The following CDH12 variants were observed in gnomAD, a reference collection of about 807,000 sequenced individuals.
The protein encoded by CDH12 is cadherin 12.
In CDH12, 41 loss-of-function variants were observed where a neutral mutation model predicts 74.1. The observed-to-expected ratio is 0.55, with a 90% CI of 0.43 to 0.72. The LOEUF is 0.72. CDH12 is among the 30% of genes least tolerant of loss of function. The pLI is 0.00. For synonymous variants in CDH12, 399 were observed against 355.0 expected (o/e 1.12, Z -1.39); for missense variants, 945 against 977.2 (o/e 0.97, Z 0.44).
chr5:22,840,002 C>T (rs1360554675), intron 1 of CDH12, among the ~76,000 whole-genome samples: 2 of 152,134 alleles, frequency 1.3e-5, no homozygotes, highest in Non-Finnish European at 2.9e-5. Context: ...CAAACCAGAA[C>T]AAACTAAGTA....
intron 8 of CDH12, among the ~76,000 whole-genome samples, chr5:21,820,895 T>A (rs1289745993): frequency 6.6e-6 from 1 of 151,958 alleles, no homozygotes; most frequent in Non-Finnish European, 1.5e-5. Flanking sequence ...GCACTACCTG[T>A]ACCACACAAA....
At chr5:22,836,253 T>C (rs960708305) in intron 1 of CDH12, among the ~76,000 whole-genome samples, 2 of 120,634 alleles carry the variant, frequency 1.7e-5, no homozygotes, top group African/African-American at 3.4e-5. Context: ...AGACAGAGTC[T>C]CGCTCTGTTG....
intron 11 of CDH12, among the ~76,000 whole-genome samples, chr5:21,772,335 G>A (rs1283430618): frequency 2.6e-5 from 4 of 152,048 alleles, no homozygotes; most frequent in Admixed American, 2.6e-4. Flanking sequence ...GATAGTGAGA[G>A]ACAGAGGCAC....
At chr5:22,809,466 A>T (rs898080444) in intron 1 of CDH12, among the ~76,000 whole-genome samples, 1 of 151,836 alleles carries the variant, frequency 6.6e-6, no homozygotes, top group African/African-American at 2.4e-5. Context: ...CCTTTCATAA[A>T]ATGCTTTTAA....
At chr5:22,643,731 A>ATT (rs1304148808) in intron 1 of CDH12, among the ~76,000 whole-genome samples, 1 of 69,298 alleles carries the variant, frequency 1.4e-5, no homozygotes, top group Non-Finnish European at 2.8e-5. Context: ...ATTTTAAGGT[A>ATT]TCTTTTTTTT....
At chr5:22,227,833 C>G (rs1274389105) in intron 3 of CDH12, among the ~76,000 whole-genome samples, 1 of 152,172 alleles carries the variant, frequency 6.6e-6, no homozygotes, top group East Asian at 1.9e-4. Flanking sequence ...CATTTGGAAA[C>G]AGAGTAATTC....
chr5:21,893,865 T>C (rs1306891584), intron 6 of CDH12, among the ~76,000 whole-genome samples: 1 of 152,220 alleles, frequency 6.6e-6, no homozygotes, highest in African/African-American at 2.4e-5. Context: ...TGAGATTTTT[T>C]TTCTGTCATT....
intron 6 of CDH12, among the ~76,000 whole-genome samples, chr5:21,868,909 G>A (rs1292746043): frequency 6.6e-6 from 1 of 152,068 alleles, no homozygotes; most frequent in Admixed American, 6.5e-5. Flanking sequence ...GGGCCAGGGT[G>A]GATTATTGGC....
At chr5:22,375,625 G>A (rs1741487494) in intron 3 of CDH12, among the ~76,000 whole-genome samples, 1 of 152,006 alleles carries the variant, frequency 6.6e-6, no homozygotes, top group Admixed American at 6.6e-5. Flanking sequence ...ATTCAAAAGT[G>A]GGCAAAGAGC....
At chr5:22,548,181 A>G (rs1184189049) in intron 1 of CDH12, among the ~76,000 whole-genome samples, 1 of 152,202 alleles carries the variant, frequency 6.6e-6, no homozygotes. Context: ...CTTCAGATAC[A>G]TACAAAGTGG....
At chr5:22,344,720 A>G (rs982910739) in intron 3 of CDH12, among the ~76,000 whole-genome samples, 2 of 152,206 alleles carry the variant, frequency 1.3e-5, no homozygotes, top group Non-Finnish European at 2.9e-5. Flanking sequence ...CATGAAAGCA[A>G]TATGTATTTT....
At chr5:22,279,834 C>A (rs1736798709) in intron 3 of CDH12, among the ~76,000 whole-genome samples, 1 of 152,174 alleles carries the variant, frequency 6.6e-6, no homozygotes, top group Admixed American at 6.5e-5. Flanking sequence ...CCGCAATAAA[C>A]ATACGAGTGC....
At chr5:22,257,569 G>A (rs147726296) in intron 3 of CDH12, among the ~76,000 whole-genome samples, 3,841 of 151,452 alleles carry the variant, frequency 0.025, 72 homozygotes, top group African/African-American at 0.052. Context: ...GCGCGATCTC[G>A]GTTTACTGCA....
At chr5:22,316,287 C>T (rs1738632132) in intron 3 of CDH12, among the ~76,000 whole-genome samples, 1 of 151,012 alleles carries the variant, frequency 6.6e-6, no homozygotes, top group African/African-American at 2.4e-5. Flanking sequence ...TTGATAAAAG[C>T]TTTAGATACA....
intron 1 of CDH12, among the ~76,000 whole-genome samples, chr5:22,783,457 T>C (rs1368974239): frequency 6.6e-6 from 1 of 152,120 alleles, no homozygotes; most frequent in Non-Finnish European, 1.5e-5. Context: ...TAAAATCAGA[T>C]AACTTACTGA....
chr5:22,448,079 A>G (rs1744898127), intron 2 of CDH12, among the ~76,000 whole-genome samples: 1 of 150,648 alleles, frequency 6.6e-6, no homozygotes, highest in Admixed American at 6.7e-5. Flanking sequence ...CTTGAGCCCA[A>G]GAGGCGAAGG....
At chr5:22,468,397 T>C (rs948994443) in intron 2 of CDH12, among the ~76,000 whole-genome samples, 2 of 152,230 alleles carry the variant, frequency 1.3e-5, no homozygotes, top group Non-Finnish European at 2.9e-5. Flanking sequence ...TTCTCTATTC[T>C]TTATTGATAG....
chr5:21,971,529 T>C (rs1477816326), intron 6 of CDH12, among the ~76,000 whole-genome samples: 1 of 152,110 alleles, frequency 6.6e-6, no homozygotes, highest in African/African-American at 2.4e-5. Context: ...AGGTTAGATA[T>C]CTAATTATAA....
intron 4 of CDH12, among the ~76,000 whole-genome samples, chr5:22,158,694 T>C (rs1013425146): frequency 2.0e-5 from 3 of 152,156 alleles, no homozygotes; most frequent in African/African-American, 7.2e-5. Context: ...TATATCATTA[T>C]GACAGAATAC....
Sources: allele counts gnomAD v4.1 joint callset (sites outside exome capture counted in the v4.1 genomes callset), GRCh38; gene constraint gnomAD v4.1.1; transcripts MANE v1.5; gene names NCBI Gene and HGNC (gene_info 2026-07-23, HGNC 2026-07-21).